Variants in TMTC2 observed in about 807,000 individuals in gnomAD.
TMTC2 encodes the protein protein O-mannosyl-transferase TMTC2.
In TMTC2, 43 loss-of-function variants were observed where a neutral mutation model predicts 82.4. The ratio of observed to expected loss-of-function variants is 0.52; its 90% CI spans 0.41 to 0.67. TMTC2 has a LOEUF of 0.67. TMTC2 is among the 30% of genes least tolerant of loss of function. The probability of loss-of-function intolerance (pLI) is 0.00; values close to 1 mark genes in which losing one functional copy is unlikely to be tolerated. For missense variants in TMTC2, 919 were observed against 1,012.4 expected (o/e 0.91, Z 1.25); for synonymous variants, 408 against 381.9 (o/e 1.07, Z -0.80).
chr12:83,119,458 G>A (rs994381675), intron 11 of TMTC2, among the ~76,000 whole-genome samples: 3 of 152,082 alleles, frequency 2.0e-5, no homozygotes, highest in African/African-American at 7.2e-5. Flanking sequence ...GGTTCTGAAG[G>A]TTCCTTTTGG....
At chr12:83,115,772 A>G (rs1260066090) in intron 11 of TMTC2, among the ~76,000 whole-genome samples, 2 of 151,686 alleles carry the variant, frequency 1.3e-5, no homozygotes, top group East Asian at 3.9e-4. Flanking sequence ...ACTGTACCCT[A>G]TTGTAGTTTC....
At chr12:82,729,042 C>A (rs550461970) in intron 1 of TMTC2, among the ~76,000 whole-genome samples, 3 of 152,228 alleles carry the variant, frequency 2.0e-5, no homozygotes, top group Non-Finnish European at 2.9e-5. Flanking sequence ...CGAGCCTCCC[C>A]GACGAGCGCT....
intron 1 of TMTC2, among the ~76,000 whole-genome samples, chr12:82,789,075 G>T (rs931108249): frequency 6.6e-6 from 1 of 152,130 alleles, no homozygotes; most frequent in Non-Finnish European, 1.5e-5. Flanking sequence ...ACCCATTTAG[G>T]GATGCTTCTT....
At chr12:83,069,698 A>G (rs12825985) in intron 11 of TMTC2, among the ~76,000 whole-genome samples, 41 of 151,956 alleles carry the variant, frequency 2.7e-4, no homozygotes, top group South Asian at 1.9e-3. Flanking sequence ...TCTTTAGTTT[A>G]ATTAGGTCCC....
At chr12:82,819,936 C>T (rs1215469392) in intron 1 of TMTC2, among the ~76,000 whole-genome samples, 1 of 152,104 alleles carries the variant, frequency 6.6e-6, no homozygotes, top group African/African-American at 2.4e-5. Flanking sequence ...CACGATAGGC[C>T]ATCTGCAAAC....
chr12:82,768,475 A>C (rs1376896985), intron 1 of TMTC2, among the ~76,000 whole-genome samples: 1 of 152,166 alleles, frequency 6.6e-6, no homozygotes, highest in African/African-American at 2.4e-5. Flanking sequence ...TGTGCGTCCC[A>C]TCTTCCATGG....
intron 1 of TMTC2, among the ~76,000 whole-genome samples, chr12:82,761,130 G>A (rs1321082795): frequency 3.3e-5 from 5 of 152,050 alleles, no homozygotes; most frequent in African/African-American, 1.2e-4. Context: ...AAGGAGTGTG[G>A]GGTTTAGTCT....
chr12:83,011,752 A>G (rs1235205817), intron 8 of TMTC2, among the ~76,000 whole-genome samples: 1 of 152,214 alleles, frequency 6.6e-6, no homozygotes, highest in East Asian at 1.9e-4. Flanking sequence ...TCTCTTTCAT[A>G]AAATAGTTCC....
At chr12:82,792,736 G>A (rs1024246868) in intron 1 of TMTC2, among the ~76,000 whole-genome samples, 1 of 152,032 alleles carries the variant, frequency 6.6e-6, no homozygotes, top group African/African-American at 2.4e-5. Flanking sequence ...CTCTCAAAGT[G>A]CTGGGATTAT....
At chr12:83,062,370 C>T (rs867114595) in intron 11 of TMTC2, among the ~76,000 whole-genome samples, 1 of 151,644 alleles carries the variant, frequency 6.6e-6, no homozygotes, top group East Asian at 1.9e-4. Context: ...TAGATCTTTT[C>T]TATTGAAATA....
intron 3 of TMTC2, among the ~76,000 whole-genome samples, chr12:82,904,901 T>C (rs1874207220): frequency 6.6e-6 from 1 of 152,114 alleles, no homozygotes; most frequent in African/African-American, 2.4e-5. Flanking sequence ...TTGACTATCT[T>C]TCTCCAATTT....
chr12:82,688,903 A>T (rs1872458008), intron 1 of TMTC2, among the ~76,000 whole-genome samples: 1 of 152,196 alleles, frequency 6.6e-6, no homozygotes, highest in Admixed American at 6.5e-5. Context: ...TTCTCCTGCT[A>T]AAAGCATCTT....
rs148817925 is a variant in TMTC2 at position 82,986,857 on chromosome 12, T to C, written c.2070+811T>C. Among the ~76,000 whole-genome samples, 1,387 of 152,312 alleles carry C rather than the reference T, an allele frequency of 9.1e-3. 18 individuals carry two copies. Among genetic ancestry groups the C allele is most frequent in the African/African-American group, 0.032 (1,332 of 41,576 alleles). ...TTATTTTACACAATAGTGAATAGTT[T>C]AAAAGTTTAAGTTTTCTGAGCTCAC... On this transcript the variant is annotated intron_variant, in intron 8 of 11. Coordinates refer to ENST00000321196, the MANE Select transcript of TMTC2 (RefSeq NM_152588.3).
At chr12:83,090,836 T>C (rs1400079178) in intron 11 of TMTC2, among the ~76,000 whole-genome samples, 1 of 152,218 alleles carries the variant, frequency 6.6e-6, no homozygotes, top group African/African-American at 2.4e-5. Flanking sequence ...ACTCCAGACA[T>C]TGAACTGTTC....
chr12:82,784,667 C>G (rs539921446), intron 1 of TMTC2, among the ~76,000 whole-genome samples: 1 of 152,200 alleles, frequency 6.6e-6, no homozygotes, highest in South Asian at 2.1e-4. Flanking sequence ...TTTTAACTTC[C>G]GTCTTGAAGT....
chr12:82,972,433 A>G (rs1450400228), intron 7 of TMTC2, among the ~76,000 whole-genome samples: 1 of 152,186 alleles, frequency 6.6e-6, no homozygotes, highest in Admixed American at 6.5e-5. Flanking sequence ...ATAAAGAGGA[A>G]CATTTTGATT....
At chr12:82,927,483 T>C (rs1427584084) in intron 3 of TMTC2, among the ~76,000 whole-genome samples, 2 of 152,204 alleles carry the variant, frequency 1.3e-5, no homozygotes, top group Non-Finnish European at 2.9e-5. Context: ...GCTGTGAACA[T>C]TGCTGAAATG....
intron 1 of TMTC2, among the ~76,000 whole-genome samples, chr12:82,784,805 G>A (rs1186768296): frequency 1.3e-5 from 2 of 151,998 alleles, no homozygotes; most frequent in African/African-American, 2.4e-5. Flanking sequence ...TAATTTTTTG[G>A]TGGAGAACAC....
chr12:83,127,789 C>T (rs1170204102), intron 11 of TMTC2, among the ~76,000 whole-genome samples: 2 of 152,128 alleles, frequency 1.3e-5, no homozygotes, highest in Non-Finnish European at 2.9e-5. Flanking sequence ...ATCATCTTGC[C>T]TTTGCTCTCC....
Sources: allele counts gnomAD v4.1 joint callset (sites outside exome capture counted in the v4.1 genomes callset), GRCh38; gene constraint gnomAD v4.1.1; transcripts MANE v1.5; gene names NCBI Gene and HGNC (gene_info 2026-07-23, HGNC 2026-07-21).